Variants in NRG1 observed in about 807,000 individuals in gnomAD.
NRG1 encodes neuregulin 1, also known as pro-neuregulin-1, membrane-bound isoform.
Under a neutral mutation model 63.8 loss-of-function variants are expected in NRG1, and 18 were observed. The observed-to-expected ratio is 0.28, with a 90% CI of 0.19 to 0.42. The LOEUF (loss-of-function observed/expected upper bound fraction) is 0.42, where lower values mean the gene tolerates loss of function less well. Among genes scored for constraint, NRG1 ranks in the 10% least tolerant of loss-of-function variants. NRG1 has a pLI of 1.00. For missense variants in NRG1, 762 were observed against 814.7 expected, an observed-to-expected ratio of 0.94 and a Z score of 0.79; for synonymous variants, 302 against 301.3, an observed-to-expected ratio of 1.00 and a Z score of -0.02.
chr8:31,682,028 C>T (rs1379341283), intron 1 of NRG1, among the ~76,000 whole-genome samples: 1 of 152,056 alleles, frequency 6.6e-6, no homozygotes, highest in Non-Finnish European at 1.5e-5. Flanking sequence ...TTTGACAAAC[C>T]TTTAATGACA....
intron 1 of NRG1, among the ~76,000 whole-genome samples, chr8:32,056,501 C>T (rs981721968): frequency 1.3e-4 from 20 of 152,234 alleles, no homozygotes; most frequent in Middle Eastern, 6.8e-3. Context: ...ATTGATTCAT[C>T]GAGCCTCAAT....
intron 1 of NRG1, among the ~76,000 whole-genome samples, chr8:32,190,059 T>A (rs2132183076): frequency 6.6e-6 from 1 of 152,282 alleles, no homozygotes; most frequent in South Asian, 2.1e-4. Flanking sequence ...CAGTAATTTA[T>A]TTGAATAAAC....
chr8:32,703,424 T>C (rs1815480311), intron 5 of NRG1, among the ~76,000 whole-genome samples: 1 of 148,882 alleles, frequency 6.7e-6, no homozygotes, highest in Non-Finnish European at 1.5e-5. Flanking sequence ...AATGATGTTT[T>C]TTTTTTTTTT....
intron 1 of NRG1, among the ~76,000 whole-genome samples, chr8:32,085,222 T>G (rs184074496): frequency 1.3e-5 from 2 of 152,352 alleles, no homozygotes; most frequent in Admixed American, 1.3e-4. Flanking sequence ...GTTTATTTCC[T>G]TGTATAAGAA....
chr8:32,628,054 A>G (rs1849605881), intron 5 of NRG1, among the ~76,000 whole-genome samples: 1 of 152,234 alleles, frequency 6.6e-6, no homozygotes, highest in African/African-American at 2.4e-5. Context: ...CAAATAATGT[A>G]GCTTTGAGAA....
chr8:32,508,523 G>A (rs1230747847), intron 1 of NRG1, among the ~76,000 whole-genome samples: 3 of 150,698 alleles, frequency 2.0e-5, no homozygotes, highest in Admixed American at 6.6e-5. Context: ...GGTCTTGAAT[G>A]CCTGACCTCG....
chr8:32,247,681 A>G (rs1848716629), intron 1 of NRG1, among the ~76,000 whole-genome samples: 1 of 152,104 alleles, frequency 6.6e-6, no homozygotes, highest in Admixed American at 6.6e-5. Flanking sequence ...GGTGACAGCA[A>G]AAAGAGTGAA....
At chr8:31,908,910 C>T (rs1832727796) in intron 1 of NRG1, among the ~76,000 whole-genome samples, 1 of 151,996 alleles carries the variant, frequency 6.6e-6, no homozygotes, top group Admixed American at 6.6e-5. Context: ...GTTGAGTAAC[C>T]ATGATATGCT....
At chr8:32,024,272 A>G (rs1586553096) in intron 1 of NRG1, among the ~76,000 whole-genome samples, 1 of 152,204 alleles carries the variant, frequency 6.6e-6, no homozygotes, top group African/African-American at 2.4e-5. Flanking sequence ...CTGCTGTATT[A>G]AAGGGAAGTG....
intron 1 of NRG1, among the ~76,000 whole-genome samples, chr8:31,937,296 G>C (rs1437219333): frequency 6.6e-6 from 1 of 152,158 alleles, no homozygotes; most frequent in African/African-American, 2.4e-5. Context: ...GTGTTGAAAG[G>C]TGTTAGCTAG....
chr8:32,178,284 A>G (rs1276524786), intron 1 of NRG1, among the ~76,000 whole-genome samples: 1 of 152,128 alleles, frequency 6.6e-6, no homozygotes, highest in Non-Finnish European at 1.5e-5. Context: ...TCTGAAGGTC[A>G]AGGACAACTT....
chr8:31,783,708 G>A (rs1019342392), intron 1 of NRG1, among the ~76,000 whole-genome samples: 1 of 152,102 alleles, frequency 6.6e-6, no homozygotes, highest in Non-Finnish European at 1.5e-5. Flanking sequence ...AGGAGTGTGG[G>A]CAATTTAGTT....
intron 5 of NRG1, among the ~76,000 whole-genome samples, chr8:32,713,298 G>A (rs1818267754): frequency 6.6e-6 from 1 of 152,102 alleles, no homozygotes; most frequent in Non-Finnish European, 1.5e-5. Flanking sequence ...CCCAAGAAAT[G>A]TGGTGCATTC....
chr8:32,176,418 C>T (rs1840736209), intron 1 of NRG1, among the ~76,000 whole-genome samples: 1 of 152,160 alleles, frequency 6.6e-6, no homozygotes, highest in South Asian at 2.1e-4. Flanking sequence ...TAGGCATGGA[C>T]AAGGACTTCA....
rs141581419 is a variant in NRG1 at position 32,157,520 on chromosome 8, G to T, written c.38-438308G>T. On this transcript the variant is annotated intron_variant, in intron 1 of 10. Transcript: ENST00000519301. ...ACTAAAAATACAAAATTAGCCGGGC[G>T]TGGTGGTACATGCCTGTAATCGCAG... is the stretch of plus-strand genomic sequence containing the variant. Among the ~76,000 whole-genome samples the T allele has an allele frequency of 2.4e-3, 369 of 151,800 alleles. 1 individual carries two copies. Among genetic ancestry groups the T allele is most frequent in the African/African-American group, 8.6e-3 (356 of 41,420 alleles).
At chr8:32,022,670 A>C (rs1816635684) in intron 1 of NRG1, among the ~76,000 whole-genome samples, 1 of 152,206 alleles carries the variant, frequency 6.6e-6, no homozygotes, top group African/African-American at 2.4e-5. Flanking sequence ...TATGACGTAT[A>C]CAATCAACTG....
chr8:31,720,053 T>A (rs961035145), intron 1 of NRG1, among the ~76,000 whole-genome samples: 5 of 152,242 alleles, frequency 3.3e-5, no homozygotes, highest in East Asian at 1.9e-4. Context: ...AAATAACTTT[T>A]AAAAAAATAC....
At chr8:32,066,216 C>T (rs187593995) in intron 1 of NRG1, among the ~76,000 whole-genome samples, 3,344 of 152,092 alleles carry the variant, frequency 0.022, 45 homozygotes, top group South Asian at 0.079. Flanking sequence ...CAATTTTGGC[C>T]TTTGTTGCCA....
At chr8:31,781,638 A>G (rs1819695662) in intron 1 of NRG1, among the ~76,000 whole-genome samples, 1 of 152,174 alleles carries the variant, frequency 6.6e-6, no homozygotes, top group African/African-American at 2.4e-5. Flanking sequence ...TACTGTTGAA[A>G]TGTGGTCTAG....
Sources: gnomAD v4.1 joint callset for allele counts (sites outside exome capture counted in the v4.1 genomes callset) on GRCh38, gnomAD v4.1.1 for gene constraint, MANE v1.5 for transcripts, NCBI Gene and HGNC (gene_info 2026-07-23, HGNC 2026-07-21) for gene names.